Variants in RUFY4 observed in about 807,000 individuals in gnomAD.
RUFY4 encodes RUN and FYVE domain containing 4.
RUFY4 carries 73 observed loss-of-function variants against 69.0 expected under a neutral mutation model. The observed-to-expected ratio is 1.06, with a 90% CI of 0.88 to 1.29. RUFY4 has a LOEUF of 1.29. Ranked by LOEUF, RUFY4 falls within the 50% of genes most tolerant of loss-of-function variation. The probability of loss-of-function intolerance (pLI) is 0.00; values close to 1 mark genes in which losing one functional copy is unlikely to be tolerated. For synonymous variants in RUFY4, 287 were observed against 271.8 expected (o/e 1.06, Z -0.55); for missense variants, 770 against 705.6 (o/e 1.09, Z -1.03).
exon 9 of RUFY4, chr2:218,083,135 C>G: frequency 6.2e-7 from 1 of 1,613,480 alleles, no homozygotes; most frequent in Non-Finnish European, 8.5e-7. Flanking sequence ...AGCCGAGCTG[C>G]AGGCACAGCT....
At chr2:218,075,845 AT>A (rs1689619348) in intron 7 of RUFY4, 105 bp downstream of exon 9, 2 of 1,156,740 alleles carry the variant, frequency 1.7e-6, no homozygotes, top group Non-Finnish European at 2.3e-6. Flanking sequence ...CCACGGGTCA[AT>A]TTTTATTGGC....
At chr2:218,036,150 T>C (rs10200586) in intron 2 of RUFY4, among the ~76,000 whole-genome samples, 2 of 152,224 alleles carry the variant, frequency 1.3e-5, no homozygotes, top group Non-Finnish European at 2.9e-5. Flanking sequence ...GGGGATTGAA[T>C]GGGACAAAGA....
intron 2 of RUFY4, among the ~76,000 whole-genome samples, chr2:218,040,173 A>G (rs1959041614): frequency 6.6e-6 from 1 of 152,214 alleles, no homozygotes; most frequent in Admixed American, 6.5e-5. Flanking sequence ...AATTCAGATA[A>G]TGGATCCTCA....
chr2:218,071,063 G>A (rs1366703783), intron 2 of RUFY4, among the ~76,000 whole-genome samples: 1 of 152,176 alleles, frequency 6.6e-6, no homozygotes, highest in Non-Finnish European at 1.5e-5. Flanking sequence ...GGGCTGGAAG[G>A]GACCCAGGCC....
At chr2:218,057,475 A>C (rs1355525632) in intron 2 of RUFY4, among the ~76,000 whole-genome samples, 1 of 152,254 alleles carries the variant, frequency 6.6e-6, no homozygotes, top group Admixed American at 6.5e-5. Context: ...TTTCTTGAAG[A>C]ACTTTCTGTG....
chr2:218,083,088 C>A (rs781026415), intron 8 of RUFY4, 22 bp from the exon 11 acceptor site: 12 of 1,595,782 alleles, frequency 7.5e-6, no homozygotes, highest in African/African-American at 1.4e-5. Context: ...CCCTGAGAAC[C>A]TAGTCTTCCT....
At chr2:218,065,342 G>A (rs1344552370), upstream of RUFY4, among the ~76,000 whole-genome samples, 1 of 152,246 alleles carries the variant, frequency 6.6e-6, no homozygotes, top group African/African-American at 2.4e-5. Flanking sequence ...TTTCTGCCCA[G>A]AGGGGCGAGG....
intron 5 of RUFY4, 132 bp downstream of exon 7, chr2:218,073,518 G>A (rs1180617259): frequency 1.5e-6 from 2 of 1,292,094 alleles, no homozygotes; most frequent in Non-Finnish European, 2.1e-6. Flanking sequence ...CATGCCTTTG[G>A]ATTCTTCTAG....
At chr2:218,076,427 A>G (rs1268596657) in exon 8 of RUFY4, 1 of 1,549,268 alleles carries the variant, frequency 6.5e-7, no homozygotes, top group South Asian at 1.2e-5. Flanking sequence ...CACCCCACAG[A>G]GCCTCAGACT....
intron 2 of RUFY4, among the ~76,000 whole-genome samples, chr2:218,045,538 C>T (rs201505138): frequency 6.6e-6 from 1 of 151,930 alleles, no homozygotes; most frequent in South Asian, 2.1e-4. Context: ...ATTAAAAAAA[C>T]CAACGTTTTA....
intron 2 of RUFY4, among the ~76,000 whole-genome samples, chr2:218,046,104 C>A (rs533669904): frequency 7.0e-4 from 106 of 152,010 alleles, no homozygotes; most frequent in African/African-American, 1.6e-3. Flanking sequence ...CGAGCCCAGC[C>A]CATAGTGATG....
intron 2 of RUFY4, among the ~76,000 whole-genome samples, chr2:218,036,946 T>A (rs766867518): frequency 6.6e-6 from 1 of 152,236 alleles, no homozygotes; most frequent in Admixed American, 6.5e-5. Flanking sequence ...GAGCAGTTCT[T>A]GTTCTTTGTA....
intron 9 of RUFY4, among the ~76,000 whole-genome samples, chr2:218,086,071 G>T (rs1689887593): frequency 1.3e-5 from 2 of 152,198 alleles, no homozygotes; most frequent in South Asian, 4.1e-4. Context: ...AACATTCTTG[G>T]AAATTAAAAA....
At chr2:218,086,891 A>C (rs1202786420) in intron 9 of RUFY4, among the ~76,000 whole-genome samples, 1 of 152,202 alleles carries the variant, frequency 6.6e-6, no homozygotes, top group African/African-American at 2.4e-5. Flanking sequence ...AGAGCACCTG[A>C]AATGATGAAA....
chr2:218,074,698 C>A (rs1263907566), intron 6 of RUFY4, among the ~76,000 whole-genome samples: 1 of 152,202 alleles, frequency 6.6e-6, no homozygotes, highest in Non-Finnish European at 1.5e-5. Flanking sequence ...CATCACAACC[C>A]TAAAACCGGG....
intron 6 of RUFY4, 38 bp downstream of exon 8, chr2:218,073,923 C>T (rs950067232): frequency 7.5e-6 from 12 of 1,601,102 alleles, no homozygotes; most frequent in Non-Finnish European, 1.0e-5. Flanking sequence ...TTGCCTCTTC[C>T]CCATCTCCTT....
intron 9 of RUFY4, among the ~76,000 whole-genome samples, chr2:218,085,680 T>C (rs1689877389): frequency 6.6e-6 from 1 of 152,200 alleles, no homozygotes; most frequent in Non-Finnish European, 1.5e-5. Flanking sequence ...TGCTGCCTTC[T>C]GCCTGCCTCC....
At chr2:218,066,144 G>C (rs1689320591), upstream of RUFY4, among the ~76,000 whole-genome samples, 1 of 148,640 alleles carries the variant, frequency 6.7e-6, no homozygotes, top group Non-Finnish European at 1.5e-5. Context: ...TGATGATGAT[G>C]ATAACAATAT....
chr2:218,083,384 A>G, intron 9 of RUFY4, 128 bp downstream of exon 11: 1 of 1,229,982 alleles, frequency 8.1e-7, no homozygotes, highest in Non-Finnish European at 1.1e-6. Flanking sequence ...ATATAAGCTA[A>G]CCCTTCTGTT....
Sources: gnomAD v4.1 joint callset for allele counts (sites outside exome capture counted in the v4.1 genomes callset) on GRCh38, gnomAD v4.1.1 for gene constraint, MANE v1.5 for transcripts, NCBI Gene and HGNC (gene_info 2026-07-23, HGNC 2026-07-21) for gene names.